Variants in C2CD2 observed in about 807,000 individuals in gnomAD.
C2CD2 encodes the protein C2 domain-containing protein 2.
A neutral mutation model predicts 74.3 loss-of-function variants in C2CD2; 43 were observed. The ratio of observed to expected loss-of-function variants is 0.58; its 90% CI spans 0.45 to 0.75. The LOEUF (loss-of-function observed/expected upper bound fraction) is 0.75, where lower values mean the gene tolerates loss of function less well. C2CD2 is among the 30% of genes least tolerant of loss of function. The pLI is 0.00. For missense variants in C2CD2, 801 were observed against 916.3 expected (o/e 0.87, Z 1.63); for synonymous variants, 422 against 390.7 (o/e 1.08, Z -0.94).
intron 12 of C2CD2, chr21:41,901,364 G>C: frequency 1.9e-6 from 1 of 537,332 alleles, no homozygotes; most frequent in Admixed American, 3.1e-5. Context: ...AATTTTTCTT[G>C]AAATGATTTG....
rs1329256727 is a variant in C2CD2 at position 41,901,676 on chromosome 21, C to T, written c.1506G>A (p.Leu502=). Residue 502 remains leucine, a synonymous_variant, in exon 12 of 14, where the codon CTG becomes CTA. Transcript: ENST00000380486. ...TTTTCTTCCGTGGCGACTTGAGTTTCAGCTTTGAAGATTCACTGAGCTGTC... is the reference window on the plus strand; with the variant it reads ...TTTTCTTCCGTGGCGACTTGAGTTTTAGCTTTGAAGATTCACTGAGCTGTC... ...AIRQLSESSK[L]KLKSPRKKST... The T allele has an allele frequency of 1.9e-6, 3 of 1,614,018 alleles. No homozygotes were observed. The highest frequency in any genetic ancestry group is 2.5e-6 in the Non-Finnish European group (3 of 1,179,952).
Position 41,953,518 on chromosome 21 carries a change from T to TG in C2CD2, c.130dup (p.Gln44ProfsTer58). On this transcript the variant is annotated frameshift_variant, in exon 1 of 14. Transcript: ENST00000380486. LOFTEE classifies it high-confidence loss of function. ...AGGCTCCACCGCCCGCCGCTGGGGC[T>TG]GGGGTCGCGCCCTGGCCAGCGCCCA... is the stretch of plus-strand genomic sequence containing the variant. The TG allele has an allele frequency of 1.4e-6, 2 of 1,480,954 alleles. No homozygotes were observed. The highest frequency in any genetic ancestry group is 8.9e-7 in the Non-Finnish European group (1 of 1,118,464). 91.7% of individuals were successfully genotyped at this position (1,480,954 alleles called of 1,614,324 possible). A position where few individuals can be genotyped will look rare whatever the true frequency, so the allele number is the denominator to read the frequency against.
chr21:41,953,299 A>C (rs977647396), intron 1 of C2CD2, 71 bp downstream of exon 1: 21 of 1,090,400 alleles, frequency 1.9e-5, no homozygotes, highest in Non-Finnish European at 2.6e-5. Context: ...CGACGCCTCC[A>C]GGAAAGACCT....
At chr21:41,898,132 A>G (rs1031393081) in intron 13 of C2CD2, among the ~76,000 whole-genome samples, 2 of 152,234 alleles carry the variant, frequency 1.3e-5, no homozygotes, top group Non-Finnish European at 2.9e-5. Flanking sequence ...AGATGGTCTC[A>G]GGACATCCTG....
At chr21:41,916,017 T>C (rs888163241) in intron 5 of C2CD2, among the ~76,000 whole-genome samples, 6 of 152,176 alleles carry the variant, frequency 3.9e-5, no homozygotes, top group Non-Finnish European at 4.4e-5. Flanking sequence ...TGCTCACTAA[T>C]GTCTCAAGAG....
At position 41,887,027 on chromosome 21, in the gene C2CD2, G is replaced by T. The variant is rs1182541443; in HGVS notation, c.*2097C>A. The T allele has an allele frequency of 6.6e-6, 1 of 152,106 alleles. No individual in the cohort carries two copies. Among genetic ancestry groups the T allele is most frequent in the African/African-American group, 2.4e-5 (1 of 41,408 alleles). 9.4% of individuals were successfully genotyped at this position (152,106 alleles called of 1,614,324 possible). On this transcript the variant is annotated 3_prime_UTR_variant, in exon 14 of 14. Transcript: ENST00000380486. ...TCTGATATCCTTGCACTTGAATAGA[G>T]TGCACCTGAATTCCAAAATCAAATA...
Position 41,912,328 on chromosome 21 carries a change from T to A in C2CD2, c.953+4A>T. ...ACACAGGCCCATAACCCGGCCAGACTCACAAGGTGAATTCCTCTTCCCACA... is the reference window on the plus strand; with the variant it reads ...ACACAGGCCCATAACCCGGCCAGACACACAAGGTGAATTCCTCTTCCCACA... On this transcript the variant is annotated splice_donor_region_variant and intron_variant, in intron 7 of 13. Transcript: ENST00000380486. 1 of 1,597,964 alleles carries A rather than the reference T, an allele frequency of 6.3e-7. No homozygotes were observed.
At chr21:41,908,750 T>C (rs980310288) in intron 8 of C2CD2, 1 of 152,206 alleles carries the variant, frequency 6.6e-6, no homozygotes, top group African/African-American at 2.4e-5. Flanking sequence ...AATTTTGGTA[T>C]GTTTATGGGG....
At position 41,923,035 on chromosome 21, in the gene C2CD2, GC is replaced by G. The variant is rs1269767904; in HGVS notation, c.379-951del. ...TTTGGAGATGGAGTTTCACTCTGTC[GC>G]CCAGGTTGGAGTGCAGTGGCACAAT... On this transcript the variant is annotated intron_variant, in intron 2 of 13. Transcript: ENST00000380486. This position sits in a 1 kb window ranked among gnomAD's most constrained non-coding sequence, Gnocchi z 5.8. 6.8e-6 allele frequency among the ~76,000 whole-genome samples: 1 copy of G among 146,694 alleles called. No individual in the cohort carries two copies. Among genetic ancestry groups the G allele is most frequent in the Non-Finnish European group, 1.5e-5 (1 of 67,120 alleles).
intron 2 of C2CD2, among the ~76,000 whole-genome samples, chr21:41,928,360 C>A (rs1014683875): frequency 1.3e-5 from 2 of 152,098 alleles, no homozygotes; most frequent in Non-Finnish European, 2.9e-5. Context: ...CAGGTGGCCT[C>A]GTGGGAGTCG....
At position 41,889,141 on chromosome 21, in the gene C2CD2, C is replaced by T. The variant is rs772837893; in HGVS notation, c.2074G>A (p.Val692Met). The change falls in exon 14 of 14, where the codon GTG (valine) becomes ATG (methionine). Residue 692 changes from valine (V) to methionine (M), a missense_variant. Physicochemically the swap from Val to Met is conservative, Grantham distance 21. Coordinates refer to ENST00000380486, the MANE Select transcript of C2CD2 (RefSeq NM_015500.2). ...RNKNTMNGAP[V>M]EPCT Reference sequence around the variant, plus strand: ...CTCAGGCCCTACGTGCAGGGCTCCACGGGGGCACCGTTCATGGTGTTCTTG... The same window carrying T: ...CTCAGGCCCTACGTGCAGGGCTCCATGGGGGCACCGTTCATGGTGTTCTTG... The T allele has an allele frequency of 6.3e-5, 102 of 1,611,992 alleles. No individual in the cohort carries two copies. The highest frequency in any genetic ancestry group is 1.6e-4 in the East Asian group (7 of 44,872).
At chr21:41,900,196 C>T (rs2064877101) in intron 12 of C2CD2, among the ~76,000 whole-genome samples, 1 of 152,030 alleles carries the variant, frequency 6.6e-6, no homozygotes, top group Non-Finnish European at 1.5e-5. Context: ...ATGGCGTGAA[C>T]CTGGGAGGCG....
chr21:41,931,106 C>T (rs1427633674), intron 2 of C2CD2, among the ~76,000 whole-genome samples: 2 of 150,602 alleles, frequency 1.3e-5, no homozygotes, highest in East Asian at 1.9e-4. Context: ...TAAATGCACT[C>T]GGTGCATGTT....
intron 1 of C2CD2, among the ~76,000 whole-genome samples, chr21:41,944,679 C>T (rs2065384638): frequency 1.3e-5 from 2 of 152,140 alleles, no homozygotes; most frequent in South Asian, 4.1e-4. Flanking sequence ...GCCTGCCTGC[C>T]ACACACAACC....
intron 2 of C2CD2, among the ~76,000 whole-genome samples, chr21:41,934,337 GGA>G (rs2065288240): frequency 6.6e-6 from 1 of 152,178 alleles, no homozygotes; most frequent in Admixed American, 6.5e-5. Context: ...GGCTGAGGCA[GGA>G]GGACTGTTGA....
intron 1 of C2CD2, among the ~76,000 whole-genome samples, chr21:41,952,487 G>A (rs188425877): frequency 2.0e-5 from 3 of 152,360 alleles, no homozygotes; most frequent in South Asian, 2.1e-4. Flanking sequence ...GCGGAGCAGC[G>A]GCCAAGACTA....
chr21:41,918,735 T>G, intron 4 of C2CD2, 121 bp downstream of exon 4: 1 of 736,414 alleles, frequency 1.4e-6, no homozygotes. Context: ...CCAGGAGGAG[T>G]GGCTGGGACA....
In C2CD2 at chr21:41,887,639, A is replaced by C. The variant is rs1162200477; in HGVS notation, c.*1485T>G. Reference sequence around the variant, plus strand: ...TTTGGTTTTGATACCGGTTTTTACTAAAAAAGAAAAAATCCTATAATTTTG... The same window carrying C: ...TTTGGTTTTGATACCGGTTTTTACTCAAAAAGAAAAAATCCTATAATTTTG... On this transcript the variant is annotated 3_prime_UTR_variant, in exon 14 of 14. Coordinates refer to ENST00000380486, the MANE Select transcript of C2CD2 (RefSeq NM_015500.2). 6.6e-6 allele frequency: 1 copy of C among 152,154 alleles called. No homozygotes were observed. The highest frequency in any genetic ancestry group is 2.4e-5 in the African/African-American group (1 of 41,446). The allele number at this position is 152,154 out of a possible 1,614,324, so 9.4% of individuals were successfully genotyped here. A position where few individuals can be genotyped will look rare whatever the true frequency, so the allele number is the denominator to read the frequency against.
intron 1 of C2CD2, among the ~76,000 whole-genome samples, chr21:41,943,759 G>A (rs1043322154): frequency 1.3e-5 from 2 of 152,186 alleles, no homozygotes; most frequent in Non-Finnish European, 2.9e-5. Flanking sequence ...AAACCTAAAG[G>A]GGACAGAACA....
Sources: gnomAD v4.1 joint callset for allele counts (sites outside exome capture counted in the v4.1 genomes callset) on GRCh38, gnomAD v4.1.1 for gene constraint, Gnocchi (gnomAD v3.1) non-coding constraint, MANE v1.5 for transcripts, NCBI Gene and HGNC (gene_info 2026-07-23, HGNC 2026-07-21) for gene names.